The following B9D2 variants were observed in gnomAD, a reference collection of about 807,000 sequenced individuals.
B9D2 encodes B9 domain-containing protein 2.
Under a neutral mutation model 19.2 loss-of-function variants are expected in B9D2, and 21 were observed. The ratio of observed to expected loss-of-function variants is 1.09; its 90% CI spans 0.78 to 1.58. B9D2 has a LOEUF of 1.58. B9D2 is among the 40% of genes most tolerant of loss of function. The pLI is 0.00. For synonymous variants in B9D2, 91 were observed against 100.6 expected (o/e 0.90, Z 0.57); for missense variants, 221 against 244.3 (o/e 0.90, Z 0.64).
At chr19:41,363,001 T>G (rs748636640) in intron 2 of B9D2, 1 of 233,028 alleles carries the variant, frequency 4.3e-6, no homozygotes, top group Non-Finnish European at 8.8e-6. Context: ...TCCTAGCACT[T>G]TGAGAGGCTG....
intron 3 of B9D2, 76 bp downstream of exon 3, chr19:41,357,820 GT>G: frequency 6.3e-7 from 1 of 1,591,140 alleles, no homozygotes; most frequent in Non-Finnish European, 8.6e-7. Context: ...AGGTCTTGGT[GT>G]TCCCAGCCCC....
chr19:41,360,115 C>A (rs908655584), intron 2 of B9D2, among the ~76,000 whole-genome samples: 7 of 152,152 alleles, frequency 4.6e-5, no homozygotes, highest in African/African-American at 1.2e-4. Context: ...CTAGTCCCTG[C>A]CACATCATTT....
At chr19:41,362,489 G>C (rs1446548026) in intron 2 of B9D2, among the ~76,000 whole-genome samples, 1 of 151,922 alleles carries the variant, frequency 6.6e-6, no homozygotes, top group East Asian at 1.9e-4. Flanking sequence ...CATACCCCAG[G>C]CTTTACAAAC....
At chr19:41,356,807 T>A (rs1415829191) in intron 3 of B9D2, among the ~76,000 whole-genome samples, 1 of 151,870 alleles carries the variant, frequency 6.6e-6, no homozygotes, top group Non-Finnish European at 1.5e-5. Context: ...GCTGAGATCT[T>A]GCCACTACAC....
intron 2 of B9D2, among the ~76,000 whole-genome samples, chr19:41,360,672 A>AT (rs922742985): frequency 6.6e-5 from 10 of 150,434 alleles, no homozygotes; most frequent in South Asian, 2.1e-4. Flanking sequence ...TGCCCAGCTA[A>AT]TTTTTTTTGT....
At chr19:41,362,723 T>C (rs1200300019) in intron 2 of B9D2, among the ~76,000 whole-genome samples, 1 of 152,210 alleles carries the variant, frequency 6.6e-6, no homozygotes, top group African/African-American at 2.4e-5. Flanking sequence ...AAGCAATAAC[T>C]GGTTTTGAAC....
chr19:41,356,670 G>A (rs2038318614), intron 3 of B9D2, among the ~76,000 whole-genome samples: 1 of 151,048 alleles, frequency 6.6e-6, no homozygotes, highest in Admixed American at 6.6e-5. Context: ...TTGGTGAAAC[G>A]CCATCTCTAT....
intron 2 of B9D2, among the ~76,000 whole-genome samples, chr19:41,359,396 G>C (rs1480148667): frequency 2.0e-5 from 3 of 151,686 alleles, no homozygotes; most frequent in Non-Finnish European, 4.4e-5. Flanking sequence ...GTAAAACTCT[G>C]TCTCTACTAA....
At chr19:41,363,837 C>T in intron 1 of B9D2, 121 bp downstream of exon 1, 1 of 538,306 alleles carries the variant, frequency 1.9e-6, no homozygotes, top group East Asian at 3.3e-5. Context: ...AAAAGACCCG[C>T]CTTCCGCGTC....
chr19:41,354,723 C>T lies in B9D2; in HGVS notation c.505G>A (p.Asp169Asn). 2.5e-6 allele frequency: 4 copies of T among 1,614,032 alleles called. No homozygotes were observed. The highest frequency in any genetic ancestry group is 3.4e-6 in the Non-Finnish European group (4 of 1,180,022). ...LEIGLLLRNF[D>N]RYGVEC ...CCTCAGCACTCCACGCCGTAGCGGT[C>T]GAAGTTGCGGAGCAGCAGGCCGATC... The change falls in exon 4 of 4, where the codon GAC (aspartate) becomes AAC (asparagine). Residue 169 changes from aspartate (D) to asparagine (N), a missense_variant. Coordinates refer to ENST00000243578, the MANE Select transcript of B9D2 (RefSeq NM_030578.4).
intron 3 of B9D2, among the ~76,000 whole-genome samples, chr19:41,356,226 A>C (rs948093761): frequency 3.9e-5 from 6 of 152,152 alleles, no homozygotes; most frequent in African/African-American, 1.4e-4. Flanking sequence ...TGTGGGGTGC[A>C]GACCAGGGGG....
At chr19:41,359,830 C>A (rs1019606640) in intron 2 of B9D2, among the ~76,000 whole-genome samples, 2 of 152,142 alleles carry the variant, frequency 1.3e-5, no homozygotes, top group African/African-American at 4.8e-5. Flanking sequence ...CTCCTCACCC[C>A]CCAGTTTACA....
intron 2 of B9D2, among the ~76,000 whole-genome samples, chr19:41,362,168 G>A (rs1021420434): frequency 5.3e-5 from 8 of 149,964 alleles, no homozygotes; most frequent in African/African-American, 2.0e-4. Flanking sequence ...CAGATCACAA[G>A]GTCAGGAGAT....
At chr19:41,358,917 G>A (rs930151768) in intron 2 of B9D2, among the ~76,000 whole-genome samples, 1 of 151,990 alleles carries the variant, frequency 6.6e-6, no homozygotes, top group Non-Finnish European at 1.5e-5. Context: ...CTTAGGGGGG[G>A]GTGGATCATC....
intron 3 of B9D2, among the ~76,000 whole-genome samples, chr19:41,356,340 T>G (rs1011266943): frequency 6.6e-6 from 1 of 151,870 alleles, no homozygotes; most frequent in African/African-American, 2.4e-5. Context: ...AGAAGTGGGA[T>G]TTAGGATGTA....
rs1599910935 is a variant in B9D2, at chr19:41,362,367, G to GTC, written c.88+1063_88+1064dup. On this transcript the variant is annotated intron_variant, in intron 2 of 3. Coordinates refer to ENST00000243578, the MANE Select transcript of B9D2 (RefSeq NM_030578.4). The stretch of plus-strand genomic sequence containing the variant: ...CACTACAGCCTGGGAAACAGAACGA[G>GTC]TCTCAAAAAAAAAAAAAAAAAAAAA... 4.2e-5 allele frequency among the ~76,000 whole-genome samples: 4 copies of GTC among 95,964 alleles called. No homozygotes were observed. In the East Asian group the frequency reaches 1.3e-3, roughly 32 times the overall value. 63.0% of individuals were successfully genotyped at this position (95,964 alleles called of 152,430 possible). A position where few individuals can be genotyped will look rare whatever the true frequency, so the allele number is the denominator to read the frequency against.
intron 2 of B9D2, among the ~76,000 whole-genome samples, chr19:41,358,745 C>A (rs986432143): frequency 6.6e-6 from 1 of 152,130 alleles, no homozygotes; most frequent in Non-Finnish European, 1.5e-5. Flanking sequence ...GTGGCTCACA[C>A]CTGTAATCTC....
chr19:41,356,630 G>T (rs1244581366), intron 3 of B9D2, among the ~76,000 whole-genome samples: 1 of 151,936 alleles, frequency 6.6e-6, no homozygotes, highest in African/African-American at 2.4e-5. Flanking sequence ...GATCACCTGA[G>T]GTCAGGAGTT....
chr19:41,358,551 G>A (rs2038352660), intron 2 of B9D2, among the ~76,000 whole-genome samples: 1 of 152,090 alleles, frequency 6.6e-6, no homozygotes, highest in Non-Finnish European at 1.5e-5. Flanking sequence ...TGAGCATAGT[G>A]AGCACGGGAT....
Sources: allele counts gnomAD v4.1 joint callset (sites outside exome capture counted in the v4.1 genomes callset), GRCh38; gene constraint gnomAD v4.1.1; transcripts MANE v1.5; gene names NCBI Gene and HGNC (gene_info 2026-07-23, HGNC 2026-07-21).